The following LRRN2 variants were observed in gnomAD, a reference collection of about 807,000 sequenced individuals.
LRRN2 encodes leucine rich repeat neuronal 2, also known as leucine-rich repeat neuronal protein 2.
LRRN2 carries 10 observed loss-of-function variants against 35.7 expected under a neutral mutation model. That is an observed-to-expected ratio of 0.28 (90% CI 0.17 to 0.47). LRRN2 has a LOEUF of 0.47. Ranked by LOEUF, LRRN2 falls within the 20% of genes least tolerant of loss-of-function variation. LRRN2 has a pLI of 0.99. For synonymous variants in LRRN2, 391 were observed against 409.6 expected (o/e 0.95, Z 0.55); for missense variants, 731 against 940.3 (o/e 0.78, Z 2.91).
At chr1:204,665,016 G>A (rs61817555) in intron 1 of LRRN2, among the ~76,000 whole-genome samples, 26,909 of 151,822 alleles carry the variant, frequency 0.18, 2,592 homozygotes, top group East Asian at 0.37. Context: ...AATCAGACAC[G>A]TCACCCTCTC....
At chr1:204,681,639 T>C (rs1668958215) in intron 1 of LRRN2, among the ~76,000 whole-genome samples, 1 of 152,160 alleles carries the variant, frequency 6.6e-6, no homozygotes, top group African/African-American at 2.4e-5. Context: ...CCCCTGCACC[T>C]AGCACAGAGC....
intron 1 of LRRN2, among the ~76,000 whole-genome samples, chr1:204,680,363 C>CT (rs1448077205): frequency 6.6e-6 from 1 of 152,220 alleles, no homozygotes; most frequent in East Asian, 1.9e-4. Context: ...TCTGTCTGCA[C>CT]TTTATCTTGG....
chr1:204,654,032 A>C (rs28410706), intron 1 of LRRN2, among the ~76,000 whole-genome samples: 1 of 88,874 alleles, frequency 1.1e-5, no homozygotes, highest in Admixed American at 1.2e-4. Flanking sequence ...TGAGACCCTG[A>C]CAAAAAAAAA....
chr1:204,622,925 G>A (rs1667019702), intron 1 of LRRN2, among the ~76,000 whole-genome samples: 1 of 152,190 alleles, frequency 6.6e-6, no homozygotes, highest in African/African-American at 2.4e-5. Flanking sequence ...TTAAATGAGT[G>A]TGTTGCACAC....
chr1:204,654,824 G>T (rs1668313393), intron 1 of LRRN2, among the ~76,000 whole-genome samples: 1 of 152,196 alleles, frequency 6.6e-6, no homozygotes, highest in Non-Finnish European at 1.5e-5. Context: ...ACATTACATA[G>T]TAGGTTGAAA....
At chr1:204,638,402 C>CCTTTTT (rs1667891309) in intron 1 of LRRN2, among the ~76,000 whole-genome samples, 1 of 71,688 alleles carries the variant, frequency 1.4e-5, no homozygotes, top group Non-Finnish European at 2.4e-5. Context: ...CAAGGTCTTC[C>CCTTTTT]TTTTTTTTTT....
At chr1:204,652,426 G>GC (rs1571664141) in intron 1 of LRRN2, among the ~76,000 whole-genome samples, 1 of 25,526 alleles carries the variant, frequency 3.9e-5, no homozygotes, top group East Asian at 5.1e-3. Context: ...AGGCAGAAGA[G>GC]CAAAGAAGGA....
chr1:204,667,775 G>A (rs1401962236), intron 1 of LRRN2, among the ~76,000 whole-genome samples: 1 of 152,176 alleles, frequency 6.6e-6, no homozygotes, highest in Non-Finnish European at 1.5e-5. Context: ...CAGGCAGAAG[G>A]AACGGTCTGA....
intron 1 of LRRN2, among the ~76,000 whole-genome samples, chr1:204,679,220 G>A (rs1668886900): frequency 6.6e-6 from 1 of 152,174 alleles, no homozygotes; most frequent in African/African-American, 2.4e-5. Flanking sequence ...TGACAGCCAG[G>A]CAGGGTGAAG....
At chr1:204,672,565 C>T (rs1177002971) in intron 1 of LRRN2, among the ~76,000 whole-genome samples, 1 of 152,232 alleles carries the variant, frequency 6.6e-6, no homozygotes, top group Non-Finnish European at 1.5e-5. Flanking sequence ...GTTTGCACAT[C>T]TCTGTCGCGC....
intron 1 of LRRN2, among the ~76,000 whole-genome samples, chr1:204,642,614 C>T (rs12038573): frequency 0.38 from 58,533 of 152,116 alleles, 12,824 homozygotes; most frequent in Admixed American, 0.5. Flanking sequence ...GGCTCTGCCT[C>T]AGGAAGAACT....
At chr1:204,660,596 C>CTG (rs1312469767) in intron 1 of LRRN2, among the ~76,000 whole-genome samples, 1 of 152,016 alleles carries the variant, frequency 6.6e-6, no homozygotes, top group East Asian at 1.9e-4. Context: ...CTCTCTCTCT[C>CTG]TCTCTCACTT....
chr1:204,672,759 C>G (rs1009460068), intron 1 of LRRN2, among the ~76,000 whole-genome samples: 1 of 152,112 alleles, frequency 6.6e-6, no homozygotes, highest in African/African-American at 2.4e-5. Context: ...AGAGCAGGTG[C>G]ACCTTGCTCC....
chr1:204,617,869 T>C lies in LRRN2; in HGVS notation c.2124A>G (p.Pro708=). 1 of 1,614,006 alleles carries C rather than the reference T, an allele frequency of 6.2e-7. No homozygotes were observed. The highest frequency in any genetic ancestry group is 8.5e-7 in the Non-Finnish European group (1 of 1,179,942). ...RSSEGETLLP[P]LSQNS is the part of the protein sequence containing the mutation. ...CTGAGCTTCAAGAATTTTGAGACAA[T>C]GGTGGCAACAGTGTCTCCCCTTCTG... The change falls in exon 2 of 2, where the codon CCA becomes CCG. Residue 708 remains proline, a synonymous_variant. Transcript: ENST00000367177.
chr1:204,620,268 A>G (rs932554025), intron 1 of LRRN2, 50 bp from the exon 2 acceptor site: 1 of 1,263,158 alleles, frequency 7.9e-7, no homozygotes, highest in Non-Finnish European at 1.0e-6. Context: ...AGCAGTATCT[A>G]CCCCTCCTCC....
intron 1 of LRRN2, among the ~76,000 whole-genome samples, chr1:204,660,607 C>T (rs111824759): frequency 0.011 from 1,601 of 150,032 alleles, 26 homozygotes; most frequent in African/African-American, 0.036. Flanking sequence ...TCTCTCACTT[C>T]GTCTTAGAGC....
intron 1 of LRRN2, among the ~76,000 whole-genome samples, chr1:204,640,630 C>G (rs564622849): frequency 4.6e-5 from 7 of 152,122 alleles, no homozygotes; most frequent in South Asian, 2.1e-4. Flanking sequence ...TACCCCTTCC[C>G]CATGCTTGCT....
chr1:204,639,659 A>G (rs1289176363), intron 1 of LRRN2, among the ~76,000 whole-genome samples: 1 of 152,206 alleles, frequency 6.6e-6, no homozygotes, highest in African/African-American at 2.4e-5. Flanking sequence ...ATAAATAAAT[A>G]TAATTTAGTA....
rs762991312 is a variant in LRRN2 at position 204,618,378 on chromosome 1, A to G, written c.1615T>C (p.Tyr539His). 2.2e-5 allele frequency: 35 copies of G among 1,608,778 alleles called. No individual in the cohort carries two copies. The highest frequency in any genetic ancestry group is 1.1e-5 in the South Asian group (1 of 90,382). ...LELRVQETHP[Y>H]HILLSWVTPP... ...GTGACCCAAGATAGCAGGATGTGAT[A>G]GGGGTGGGTCTCCTGCACCCGGAGC... The change falls in exon 2 of 2, where the codon TAT becomes CAT. Residue 539 changes from tyrosine (Y) to histidine (H), a missense_variant. Physicochemically the swap from Tyr to His is moderately conservative, Grantham distance 83. Coordinates refer to ENST00000367177, the MANE Select transcript of LRRN2 (RefSeq NM_201630.2).
Sources: gnomAD v4.1 joint callset for allele counts (sites outside exome capture counted in the v4.1 genomes callset) on GRCh38, gnomAD v4.1.1 for gene constraint, MANE v1.5 for transcripts, NCBI Gene and HGNC (gene_info 2026-07-23, HGNC 2026-07-21) for gene names.